DTNA: variants seen among roughly 807,000 people sequenced by gnomAD.
The protein encoded by DTNA is dystrobrevin alpha, also known as dystrophin-related protein 3.
Under a neutral mutation model 100.7 loss-of-function variants are expected in DTNA, and 43 were observed. The observed-to-expected ratio is 0.43, with a 90% CI of 0.33 to 0.55. The LOEUF is 0.55. Among genes scored for constraint, DTNA ranks in the 20% least tolerant of loss-of-function variants. DTNA has a pLI of 0.04. For synonymous variants in DTNA, 349 were observed against 347.9 expected (o/e 1.00, Z -0.04); for missense variants, 798 against 953.9 (o/e 0.84, Z 2.15).
At chr18:34,797,037 G>A (rs1040110629) in intron 4 of DTNA, among the ~76,000 whole-genome samples, 1 of 152,194 alleles carries the variant, frequency 6.6e-6, no homozygotes, top group Non-Finnish European at 1.5e-5. Context: ...TCGTTGGCAA[G>A]TCAGCCTCTC....
At chr18:34,691,218 T>C (rs2079712363) in intron 1 of DTNA, among the ~76,000 whole-genome samples, 1 of 152,254 alleles carries the variant, frequency 6.6e-6, no homozygotes, top group Non-Finnish European at 1.5e-5. Context: ...ACTTCTTTTC[T>C]GTATTCTTCC....
chr18:34,624,638 T>C (rs2147949006), intron 1 of DTNA, among the ~76,000 whole-genome samples: 1 of 152,350 alleles, frequency 6.6e-6, no homozygotes, highest in African/African-American at 2.4e-5. Context: ...TGAAATTTAA[T>C]AGAAACTTAA....
At chr18:34,637,104 G>C (rs559776090) in intron 1 of DTNA, among the ~76,000 whole-genome samples, 1 of 152,288 alleles carries the variant, frequency 6.6e-6, no homozygotes, top group South Asian at 2.1e-4. Flanking sequence ...ATAATACCTT[G>C]CTTGCGTAAT....
At chr18:34,639,292 A>T (rs2059002352) in intron 1 of DTNA, among the ~76,000 whole-genome samples, 1 of 152,218 alleles carries the variant, frequency 6.6e-6, no homozygotes, top group African/African-American at 2.4e-5. Flanking sequence ...CTCCCACAAG[A>T]TGCCAAATAG....
intron 8 of DTNA, chr18:34,818,750 A>G (rs2095647097): frequency 1.6e-6 from 1 of 625,726 alleles, no homozygotes; most frequent in South Asian, 3.6e-5. Flanking sequence ...GTGCGTGACT[A>G]GAATATTAAA....
chr18:34,765,120 G>T (rs939945018), intron 2 of DTNA, among the ~76,000 whole-genome samples: 6 of 152,296 alleles, frequency 3.9e-5, no homozygotes, highest in African/African-American at 1.4e-4. Context: ...GAAAGAAACT[G>T]CAGACGAGCT....
intron 8 of DTNA, 22 bp from the exon 9 acceptor site, chr18:34,820,769 C>T (rs376628897): frequency 6.2e-7 from 1 of 1,614,052 alleles, no homozygotes; most frequent in Non-Finnish European, 8.5e-7. Context: ...GTTGTCACTT[C>T]TGCCTTCCTT....
At chr18:34,683,393 A>T (rs533585263) in intron 1 of DTNA, 1 of 152,006 alleles carries the variant, frequency 6.6e-6, no homozygotes, top group African/African-American at 2.4e-5. Context: ...TTGGTACTTC[A>T]CTTAGTTATT....
chr18:34,841,622 A>T (rs989936303), intron 13 of DTNA, among the ~76,000 whole-genome samples: 1 of 152,168 alleles, frequency 6.6e-6, no homozygotes, highest in East Asian at 1.9e-4. Flanking sequence ...TCATAGTCCT[A>T]GAAGGTTGGA....
At chr18:34,577,958 CT>C (rs1047696549) in intron 1 of DTNA, among the ~76,000 whole-genome samples, 4 of 144,530 alleles carry the variant, frequency 2.8e-5, no homozygotes, top group Admixed American at 6.9e-5. Flanking sequence ...GGTATAATGG[CT>C]TTTTTTCCTC....
At chr18:34,825,599 T>C (rs541172192) in intron 9 of DTNA, among the ~76,000 whole-genome samples, 105 of 152,318 alleles carry the variant, frequency 6.9e-4, no homozygotes, top group African/African-American at 2.2e-3. Context: ...TTTCAGTCCC[T>C]CTGAAAACCA....
intron 1 of DTNA, among the ~76,000 whole-genome samples, chr18:34,577,758 C>T (rs1288221436): frequency 2.6e-5 from 4 of 152,106 alleles, no homozygotes; most frequent in Non-Finnish European, 1.5e-5. Context: ...ACTGCGAATG[C>T]CATTAATTCA....
At chr18:34,864,183 C>T in intron 17 of DTNA, 121 bp downstream of exon 17, 1 of 827,282 alleles carries the variant, frequency 1.2e-6, no homozygotes, top group South Asian at 1.5e-5. Context: ...CATGTTGTTT[C>T]AAGCTCAGAT....
chr18:34,606,422 A>G (rs2147347369), intron 1 of DTNA, among the ~76,000 whole-genome samples: 1 of 152,282 alleles, frequency 6.6e-6, no homozygotes, highest in Non-Finnish European at 1.5e-5. Context: ...CAATGTGTCT[A>G]TTTTTTATAA....
chr18:34,768,671 T>C (rs1395282180), intron 3 of DTNA, among the ~76,000 whole-genome samples: 1 of 152,198 alleles, frequency 6.6e-6, no homozygotes, highest in Admixed American at 6.5e-5. Context: ...TGGGTGAAAA[T>C]AGAAGCTTAT....
At chr18:34,550,637 A>G (rs543459549) in intron 1 of DTNA, among the ~76,000 whole-genome samples, 2 of 152,302 alleles carry the variant, frequency 1.3e-5, no homozygotes, top group South Asian at 4.1e-4. Context: ...CAAAAGAACA[A>G]TAAAATTAAT....
chr18:34,884,875 T>C, intron 22 of DTNA, 99 bp downstream of exon 22: 3 of 1,394,736 alleles, frequency 2.2e-6, no homozygotes, highest in Non-Finnish European at 3.1e-6. Flanking sequence ...GTCATTTCTT[T>C]CTATGTGATA....
chr18:34,865,328 T>G (rs2096685683), intron 17 of DTNA, among the ~76,000 whole-genome samples: 1 of 151,458 alleles, frequency 6.6e-6, no homozygotes, highest in South Asian at 2.1e-4. Context: ...TTTTCTTCAT[T>G]TTTTTTGTTT....
chr18:34,891,253 G>C lies in DTNA; in HGVS notation c.*3519G>C, dbSNP rs1216488489. The C allele has an allele frequency of 6.8e-6, 1 of 147,542 alleles. No individual in the cohort carries two copies. The highest frequency in any genetic ancestry group is 1.5e-5 in the Non-Finnish European group (1 of 67,078). The allele number at this position is 147,542 out of a possible 1,614,324, so 9.1% of individuals were successfully genotyped here. A position where few individuals can be genotyped will look rare whatever the true frequency, so the allele number is the denominator to read the frequency against. The stretch of plus-strand genomic sequence containing the variant: ...CTATTGTATGGATTTTTGTATTGCT[G>C]TTAAGTATTGTTTTGTGTGTGTGTG... On this transcript the variant is annotated 3_prime_UTR_variant, in exon 23 of 23. Coordinates refer to ENST00000444659, the MANE Select transcript of DTNA (RefSeq NM_001386795.1).
Sources: allele counts gnomAD v4.1 joint callset (sites outside exome capture counted in the v4.1 genomes callset), GRCh38; gene constraint gnomAD v4.1.1; transcripts MANE v1.5; gene names NCBI Gene and HGNC (gene_info 2026-07-23, HGNC 2026-07-21).